Variants in STK32B observed in about 807,000 individuals in gnomAD.
STK32B encodes the protein serine/threonine kinase 32B, also known as serine/threonine-protein kinase 32B.
In STK32B, 43 loss-of-function variants were observed where a neutral mutation model predicts 52.6. The ratio of observed to expected loss-of-function variants is 0.82; its 90% CI spans 0.64 to 1.05. STK32B has a LOEUF of 1.05. Among genes scored for constraint, STK32B ranks in the 50% least tolerant of loss-of-function variants. The pLI, the probability that STK32B is intolerant of heterozygous loss-of-function variation, is 0.00. For missense variants in STK32B, 621 were observed against 534.6 expected (o/e 1.16, Z -1.59); for synonymous variants, 238 against 204.3 (o/e 1.17, Z -1.41).
chr4:5,288,891 T>C (rs143460056), intron 3 of STK32B, among the ~76,000 whole-genome samples: 297 of 152,332 alleles, frequency 1.9e-3, no homozygotes, highest in African/African-American at 6.5e-3. Context: ...TATGTTTAGG[T>C]CTATGATTTA....
At position 5,220,710 on chromosome 4, in the gene STK32B, A is replaced by G. The variant is rs186010917; in HGVS notation, c.260+52260A>G. On this transcript the variant is annotated intron_variant, in intron 3 of 11. Coordinates refer to ENST00000282908, the MANE Select transcript of STK32B (RefSeq NM_018401.3). The stretch of plus-strand genomic sequence containing the variant: ...AAGGGTTTTAAGTAGGGAGAGAGAC[A>G]TGGGATTATGTCTGCCTTGTTAGCT... Among the ~76,000 whole-genome samples, 16 of 152,300 alleles carry G rather than the reference A, an allele frequency of 1.1e-4. No individual in the cohort carries two copies. The East Asian group carries it at 3.1e-3, about 29-fold the overall frequency.
chr4:5,320,608 T>G (rs1731423360), intron 3 of STK32B, among the ~76,000 whole-genome samples: 1 of 152,120 alleles, frequency 6.6e-6, no homozygotes, highest in Non-Finnish European at 1.5e-5. Context: ...AAGAACCAAG[T>G]GTAGTCAGTT....
chr4:5,155,985 C>T (rs1045252248), intron 2 of STK32B, among the ~76,000 whole-genome samples: 17 of 152,048 alleles, frequency 1.1e-4, no homozygotes, highest in African/African-American at 3.9e-4. Flanking sequence ...ATATACCTCT[C>T]TACATAATAT....
rs1577428084 is a variant in STK32B at position 5,386,370 on chromosome 4, A to C, written c.435-11837A>C. On this transcript the variant is annotated intron_variant, in intron 4 of 11. Coordinates refer to ENST00000282908, the MANE Select transcript of STK32B (RefSeq NM_018401.3). The surrounding 1 kb of genome is among the most constrained non-coding windows in gnomAD (Gnocchi z 4.5). ...AGAGCCCATGCATAGTGCAGGGTGG[A>C]AATGGTGGGCCAGAGGGAGGGGGAG... Among the ~76,000 whole-genome samples the C allele has an allele frequency of 6.6e-6, 1 of 152,082 alleles. No homozygotes were observed. Among genetic ancestry groups the C allele is most frequent in the Non-Finnish European group, 1.5e-5 (1 of 68,020 alleles).
intron 3 of STK32B, among the ~76,000 whole-genome samples, chr4:5,254,849 A>T (rs1425574222): frequency 1.3e-5 from 2 of 152,118 alleles, no homozygotes; most frequent in East Asian, 3.8e-4. Flanking sequence ...AAAATAAAGG[A>T]TGAGACTCAT....
At chr4:5,257,091 ATGAATGAG>A (rs1726364811) in intron 3 of STK32B, among the ~76,000 whole-genome samples, 1 of 152,124 alleles carries the variant, frequency 6.6e-6, no homozygotes, top group Admixed American at 6.5e-5. Context: ...GAGTGAATGA[ATGAATGAG>A]TGAGTGAACA....
intron 1 of STK32B, among the ~76,000 whole-genome samples, chr4:5,131,360 A>C (rs1166187980): frequency 6.6e-6 from 1 of 152,204 alleles, no homozygotes; most frequent in Admixed American, 6.5e-5. Flanking sequence ...GTCATGTGGC[A>C]ATTTTATCTC....
At chr4:5,450,235 C>T (rs140450436) in intron 7 of STK32B, among the ~76,000 whole-genome samples, 1 of 152,196 alleles carries the variant, frequency 6.6e-6, no homozygotes, top group Non-Finnish European at 1.5e-5. Context: ...AGGGGCCACT[C>T]CCCAGAATTC....
At position 5,316,196 on chromosome 4, in the gene STK32B, G is replaced by A. The variant is rs186559277; in HGVS notation, c.261-15024G>A. ...ATATATAACTAAATATATATATTTAGATATATAATATATATTACATAATAT... is the reference window on the plus strand; with the variant it reads ...ATATATAACTAAATATATATATTTAAATATATAATATATATTACATAATAT... On this transcript the variant is annotated intron_variant, in intron 3 of 11. Coordinates refer to ENST00000282908, the MANE Select transcript of STK32B (RefSeq NM_018401.3). 8.5e-3 allele frequency among the ~76,000 whole-genome samples: 577 copies of A among 67,568 alleles called. 4 individuals are homozygous for A. The highest frequency in any genetic ancestry group is 0.05 in the African/African-American group (413 of 8,330). 44.3% of individuals were successfully genotyped at this position (67,568 alleles called of 152,430 possible).
chr4:5,446,891 C>A, intron 7 of STK32B, 115 bp downstream of exon 7: 1 of 935,116 alleles, frequency 1.1e-6, no homozygotes, highest in Non-Finnish European at 1.6e-6. Flanking sequence ...CTGGGGGAGT[C>A]ACTGCCCCCC....
intron 4 of STK32B, among the ~76,000 whole-genome samples, chr4:5,334,130 C>G (rs57213861): frequency 0.11 from 17,070 of 150,960 alleles, 1,759 homozygotes; most frequent in African/African-American, 0.26. Flanking sequence ...TCTTCCATTT[C>G]TTTGTATCCT....
At chr4:5,171,851 A>G (rs973479727) in intron 3 of STK32B, among the ~76,000 whole-genome samples, 158 of 151,102 alleles carry the variant, frequency 1.0e-3, no homozygotes, top group African/African-American at 3.7e-3. Flanking sequence ...GAAGAAAGTC[A>G]TTGGTAGCTT....
chr4:5,477,655 C>T (rs371940118), intron 11 of STK32B, among the ~76,000 whole-genome samples: 15 of 152,326 alleles, frequency 9.8e-5, no homozygotes, highest in Middle Eastern at 3.4e-3. Context: ...CTTCTCACTC[C>T]ACTCCATATG....
chr4:5,291,404 T>C (rs1044868020), intron 3 of STK32B, among the ~76,000 whole-genome samples: 1 of 152,184 alleles, frequency 6.6e-6, no homozygotes, highest in African/African-American at 2.4e-5. Context: ...AGAATTTGGA[T>C]CTTTTAATGC....
chr4:5,267,386 G>C (rs915253045), intron 3 of STK32B, among the ~76,000 whole-genome samples: 1 of 152,104 alleles, frequency 6.6e-6, no homozygotes, highest in South Asian at 2.1e-4. Context: ...CGCTTTCCCT[G>C]AGTTTCTCAG....
At chr4:5,229,501 C>T (rs11724079) in intron 3 of STK32B, among the ~76,000 whole-genome samples, 1 of 151,960 alleles carries the variant, frequency 6.6e-6, no homozygotes, top group African/African-American at 2.4e-5. Flanking sequence ...ATAGCTTCCT[C>T]TCCTCCAAAG....
upstream of STK32B, among the ~76,000 whole-genome samples, chr4:5,051,078 AGAGCCAGCAGAC>A (rs2108749718): frequency 6.6e-6 from 1 of 152,280 alleles, no homozygotes; most frequent in Admixed American, 6.5e-5. Flanking sequence ...CGTCGGTTGG[AGAGCCAGCAGAC>A]ACTCCACTGC....
At chr4:5,368,914 TGCTGTG>T (rs1165944222) in intron 4 of STK32B, among the ~76,000 whole-genome samples, 1 of 152,136 alleles carries the variant, frequency 6.6e-6, no homozygotes, top group African/African-American at 2.4e-5. Flanking sequence ...TTCTCTTCCT[TGCTGTG>T]GCAAAGATGG....
chr4:5,495,007 C>T (rs562549936), intron 11 of STK32B, among the ~76,000 whole-genome samples: 254 of 152,274 alleles, frequency 1.7e-3, no homozygotes, highest in Non-Finnish European at 2.5e-3. Context: ...CTGCCCTTAA[C>T]ATTTTTTCCT....
Sources: allele counts gnomAD v4.1 joint callset (sites outside exome capture counted in the v4.1 genomes callset), GRCh38; gene constraint gnomAD v4.1.1; non-coding constraint Gnocchi (gnomAD v3.1); transcripts MANE v1.5; gene names NCBI Gene and HGNC (gene_info 2026-07-23, HGNC 2026-07-21).